Variants in KCND3 observed in about 807,000 individuals in gnomAD.
The protein encoded by KCND3 is A-type voltage-gated potassium channel KCND3.
A neutral mutation model predicts 51.1 loss-of-function variants in KCND3; 9 were observed. That is an observed-to-expected ratio of 0.18 (90% CI 0.11 to 0.31). The LOEUF is 0.31. Among genes scored for constraint, KCND3 ranks in the 10% least tolerant of loss-of-function variants. The probability of loss-of-function intolerance (pLI) is 1.00; values close to 1 mark genes in which losing one functional copy is unlikely to be tolerated. For missense variants in KCND3, 526 were observed against 903.8 expected (o/e 0.58, Z 5.36); for synonymous variants, 349 against 368.0 (o/e 0.95, Z 0.59).
chr1:111,852,017 G>A (rs1163608978), intron 2 of KCND3, among the ~76,000 whole-genome samples: 1 of 152,328 alleles, frequency 6.6e-6, no homozygotes, highest in South Asian at 2.1e-4. Context: ...GCCACTGTCT[G>A]GATAATCAAC....
At chr1:111,860,832 G>C (rs1668306707) in intron 2 of KCND3, among the ~76,000 whole-genome samples, 1 of 152,202 alleles carries the variant, frequency 6.6e-6, no homozygotes, top group Non-Finnish European at 1.5e-5. Flanking sequence ...GCTAATGTGG[G>C]TTCTTCCATC....
chr1:111,880,646 GA>G (rs1482066915), intron 2 of KCND3, among the ~76,000 whole-genome samples: 1 of 151,932 alleles, frequency 6.6e-6, no homozygotes, highest in African/African-American at 2.4e-5. Context: ...GGAGAAGGAG[GA>G]AAAAATAATC....
intron 2 of KCND3, among the ~76,000 whole-genome samples, chr1:111,802,707 T>C (rs1422254431): frequency 2.0e-5 from 3 of 152,214 alleles, no homozygotes; most frequent in Admixed American, 2.0e-4. Context: ...ATTGAGCCTG[T>C]AGCAGGACTA....
intron 2 of KCND3, among the ~76,000 whole-genome samples, chr1:111,905,311 G>C (rs1670594642): frequency 6.6e-6 from 1 of 152,196 alleles, no homozygotes; most frequent in Non-Finnish European, 1.5e-5. Flanking sequence ...GAACACCCAG[G>C]CAGCAGGGAA....
At chr1:111,852,240 T>C (rs991779777) in intron 2 of KCND3, among the ~76,000 whole-genome samples, 2 of 152,174 alleles carry the variant, frequency 1.3e-5, no homozygotes, top group African/African-American at 2.4e-5. Context: ...TGGAGGAAGG[T>C]TGGCAGGGAG....
chr1:111,891,900 A>G (rs1669840765), intron 2 of KCND3, among the ~76,000 whole-genome samples: 1 of 151,978 alleles, frequency 6.6e-6, no homozygotes, highest in Non-Finnish European at 1.5e-5. Flanking sequence ...GATCCTGGAG[A>G]CTTGAAGATG....
chr1:111,910,379 C>T (rs537390515), intron 2 of KCND3: 1 of 152,386 alleles, frequency 6.6e-6, no homozygotes, highest in East Asian at 1.9e-4. Flanking sequence ...TCCCAATATC[C>T]AGTGCCCGAC....
chr1:111,900,144 G>A (rs925762381), intron 2 of KCND3, among the ~76,000 whole-genome samples: 2 of 152,024 alleles, frequency 1.3e-5, no homozygotes, highest in Non-Finnish European at 2.9e-5. Flanking sequence ...AGGGCTGCTG[G>A]GCACCTCACC....
intron 2 of KCND3, among the ~76,000 whole-genome samples, chr1:111,842,543 T>C (rs1412453558): frequency 6.6e-6 from 1 of 152,084 alleles, no homozygotes. Flanking sequence ...CAGCTGAGGC[T>C]GGGATGACTA....
intron 2 of KCND3, among the ~76,000 whole-genome samples, chr1:111,894,297 C>A (rs999921462): frequency 6.6e-6 from 1 of 152,176 alleles, no homozygotes; most frequent in East Asian, 1.9e-4. Flanking sequence ...TTCCTCTCCC[C>A]CTAGAATGCT....
rs1329079586 is a variant in KCND3, at chr1:111,778,467, G to A, written c.1487C>T (p.Pro496Leu). 1.2e-6 allele frequency: 2 copies of A among 1,613,734 alleles called. No homozygotes were observed. Among genetic ancestry groups the A allele is most frequent in the South Asian group, 2.2e-5 (2 of 91,084 alleles). ...GGTGGAGGTTCGTACAGATAACAGG[G>A]GATCATCCACAAGATAGGACAACCC... ...TTGLSYLVDD[P>L]LLSVRTSTIK... Residue 496 changes from proline to leucine, a missense_variant, in exon 6 of 8, where the codon CCC becomes CTC. Physicochemically the swap from Pro to Leu is moderately conservative, Grantham distance 98. Coordinates refer to ENST00000302127, the MANE Select transcript of KCND3 (RefSeq NM_001378969.1).
intron 2 of KCND3, among the ~76,000 whole-genome samples, chr1:111,798,251 T>G (rs1430353379): frequency 6.6e-6 from 1 of 152,098 alleles, no homozygotes; most frequent in South Asian, 2.1e-4. Flanking sequence ...CCTCCATGAC[T>G]CCAAGCTTCT....
intron 2 of KCND3, among the ~76,000 whole-genome samples, chr1:111,908,764 T>C (rs1027940995): frequency 2.6e-5 from 4 of 152,144 alleles, no homozygotes; most frequent in Non-Finnish European, 5.9e-5. Flanking sequence ...ACTCTTCTCC[T>C]ATCATAGAAA....
intron 2 of KCND3, among the ~76,000 whole-genome samples, chr1:111,839,735 A>C (rs1013559669): frequency 2.0e-5 from 3 of 152,246 alleles, no homozygotes; most frequent in African/African-American, 7.2e-5. Flanking sequence ...TATCATCTCC[A>C]TTTTACAGAT....
chr1:111,843,896 G>A (rs906115657), intron 2 of KCND3, among the ~76,000 whole-genome samples: 2 of 152,126 alleles, frequency 1.3e-5, no homozygotes, highest in Non-Finnish European at 2.9e-5. Flanking sequence ...TGGTGGGTAG[G>A]CAGGTTTTAT....
At chr1:111,921,136 T>C (rs756792800) in intron 2 of KCND3, among the ~76,000 whole-genome samples, 3 of 152,208 alleles carry the variant, frequency 2.0e-5, no homozygotes, top group Non-Finnish European at 4.4e-5. Flanking sequence ...GTCTCATTTA[T>C]TTCTCATTCA....
intron 2 of KCND3, chr1:111,909,918 A>G (rs1670850020): frequency 2.0e-5 from 3 of 152,368 alleles, no homozygotes; most frequent in South Asian, 4.1e-4. Context: ...GATATTAGCC[A>G]TTACTATTCC....
Position 111,982,918 on chromosome 1 carries a change from T to C in KCND3, c.-72-120A>G, listed in dbSNP as rs1056047630. The C allele has an allele frequency of 1.4e-6, 1 of 738,830 alleles. No individual in the cohort carries two copies. Among genetic ancestry groups the C allele is most frequent in the African/African-American group, 1.7e-5 (1 of 57,162 alleles). 45.8% of individuals were successfully genotyped at this position (738,830 alleles called of 1,614,324 possible). A position where few individuals can be genotyped will look rare whatever the true frequency, so the allele number is the denominator to read the frequency against. Reference sequence around the variant, plus strand: ...GGCCAAAGTCTCCAGGGCAGATTAATAAAACTGAAATCCCCACCACAGAGA... The same window carrying C: ...GGCCAAAGTCTCCAGGGCAGATTAACAAAACTGAAATCCCCACCACAGAGA... On this transcript the variant is annotated intron_variant, in intron 1 of 7. Transcript: ENST00000302127. The surrounding 1 kb of genome is among the most constrained non-coding windows in gnomAD (Gnocchi z 8.5).
intron 2 of KCND3, among the ~76,000 whole-genome samples, chr1:111,905,517 T>C (rs1023640774): frequency 1.3e-5 from 2 of 152,236 alleles, no homozygotes; most frequent in African/African-American, 2.4e-5. Flanking sequence ...TACCAAACAC[T>C]GGACCATGCG....
Sources: gnomAD v4.1 joint callset for allele counts (sites outside exome capture counted in the v4.1 genomes callset) on GRCh38, gnomAD v4.1.1 for gene constraint, Gnocchi (gnomAD v3.1) non-coding constraint, MANE v1.5 for transcripts, NCBI Gene and HGNC (gene_info 2026-07-23, HGNC 2026-07-21) for gene names.